The following ZFP28 variants were observed in gnomAD, a reference collection of about 807,000 sequenced individuals.
ZFP28 encodes ZFP28 zinc finger protein.
ZFP28 carries 31 observed loss-of-function variants against 39.5 expected under a neutral mutation model. The observed-to-expected ratio is 0.79, with a 90% CI of 0.59 to 1.06. The LOEUF is 1.06. ZFP28 is among the 50% of genes least tolerant of loss of function. The pLI is 0.00. For synonymous variants in ZFP28, 400 were observed against 378.6 expected (o/e 1.06, Z -0.66); for missense variants, 925 against 1,048.4 (o/e 0.88, Z 1.63).
chr19:56,543,319 TTA>T (rs1186177620), intron 2 of ZFP28, among the ~76,000 whole-genome samples: 1 of 147,786 alleles, frequency 6.8e-6, no homozygotes, highest in Non-Finnish European at 1.5e-5. Context: ...GTGCGTGTGT[TTA>T]TATATTATAT....
chr19:56,555,052 C>G lies in ZFP28; in HGVS notation c.2267C>G (p.Pro756Arg). Residue 756 changes from proline (P) to arginine (R), a missense_variant, in exon 8 of 8, where the codon CCT becomes CGT. By Grantham distance (103) the Pro-to-Arg change is moderately radical (BLOSUM62 -2). This residue lies in a region of ZFP28 where 369 missense variants were observed against 505.5 expected (regional missense o/e 0.73). Transcript: ENST00000301318. ...CHRRSHTGEK[P>R]YECSVCGKAF... ...CGCAGAAGTCATACTGGAGAAAAAC[C>G]TTATGAATGCAGTGTGTGTGGCAAA... The G allele has an allele frequency of 1.9e-6, 3 of 1,614,142 alleles. No homozygotes were observed. The highest frequency in any genetic ancestry group is 2.5e-6 in the Non-Finnish European group (3 of 1,180,034).
chr19:56,549,048 T>A lies in ZFP28; in HGVS notation c.614T>A (p.Leu205His). Residue 205 changes from leucine to histidine, a missense_variant, in exon 5 of 8, where the codon CTC becomes CAC. Leu to His is a moderately conservative substitution (Grantham distance 99). Transcript: ENST00000301318. ...TCCCAGGCAGTGATAACAGAGAGAC[T>A]CACAAGCTATAATCTGGAGTACTCT... ...KLSQAVITER[L>H]TSYNLEYSLL... 1.2e-6 allele frequency: 2 copies of A among 1,614,086 alleles called. No homozygotes were observed. Among genetic ancestry groups the A allele is most frequent in the Non-Finnish European group, 1.7e-6 (2 of 1,180,006 alleles).
intron 2 of ZFP28, chr19:56,545,579 A>C (rs2044234557): frequency 6.6e-6 from 1 of 152,192 alleles, no homozygotes; most frequent in Non-Finnish European, 1.5e-5. Flanking sequence ...GCAGAATGGC[A>C]AAAAGATTGT....
chr19:56,548,917 C>A lies in ZFP28; in HGVS notation c.524-41C>A, dbSNP rs760960500. 5.1e-6 allele frequency: 8 copies of A among 1,565,264 alleles called. No homozygotes were observed. The South Asian group carries it at 9.8e-5, about 19-fold the overall frequency. The stretch of plus-strand genomic sequence containing the variant: ...ATTTTGGAATTTTTCTTCATACTAA[C>A]ACATGATAAAAGATAAATTTACCTT... On this transcript the variant is annotated intron_variant, in intron 4 of 7. Transcript: ENST00000301318.
At chr19:56,553,577 T>C (rs1336825982) in intron 7 of ZFP28, 107 bp from the exon 8 acceptor site, 1 of 1,391,060 alleles carries the variant, frequency 7.2e-7, no homozygotes, top group Non-Finnish European at 9.7e-7. Context: ...AAAATGTATG[T>C]TGATGAATTC....
At chr19:56,551,241 T>C in intron 7 of ZFP28, 1 of 987,054 alleles carries the variant, frequency 1.0e-6, no homozygotes, top group South Asian at 4.7e-5. Context: ...AAAGGATCTT[T>C]TCCTCTTGAT....
chr19:56,538,276 C>G (rs1312039595), upstream of ZFP28: 1 of 152,400 alleles, frequency 6.6e-6, no homozygotes, highest in Non-Finnish European at 1.5e-5. Context: ...CCTCCGGACT[C>G]CGGAGGCCCC....
chr19:56,555,195 A>G lies in ZFP28; in HGVS notation c.2410A>G (p.Lys804Glu), dbSNP rs867153545. ...CCAAATTGGACACCTTAATCAACATAAGAGAGTTCATACTGGAGAGAGATC... is the reference window on the plus strand; with the variant it reads ...CCAAATTGGACACCTTAATCAACATGAGAGAGTTCATACTGGAGAGAGATC... Reference protein sequence around the residue: ...FIQIGHLNQHKRVHTGERSYN... With the variant: ...FIQIGHLNQHERVHTGERSYN... Residue 804 changes from lysine to glutamate, a missense_variant, in exon 8 of 8, where the codon AAG becomes GAG. This residue lies in a region of ZFP28 where 369 missense variants were observed against 505.5 expected (regional missense o/e 0.73). Coordinates refer to ENST00000301318, the MANE Select transcript of ZFP28 (RefSeq NM_020828.2). 8 of 1,614,082 alleles carry G rather than the reference A, an allele frequency of 5.0e-6. No individual in the cohort carries two copies. Among genetic ancestry groups the G allele is most frequent in the Non-Finnish European group, 6.8e-6 (8 of 1,180,030 alleles).
intron 2 of ZFP28, among the ~76,000 whole-genome samples, chr19:56,541,059 T>C (rs1042412389): frequency 3.3e-5 from 5 of 152,126 alleles, no homozygotes; most frequent in African/African-American, 9.7e-5. Context: ...CAGATTCACA[T>C]TGTGAGCCCA....
At position 56,539,287 on chromosome 19, in the gene ZFP28, C is replaced by T. The variant is rs537082740; in HGVS notation, c.208+61C>T. On this transcript the variant is annotated intron_variant, in intron 1 of 7. Transcript: ENST00000301318. Reference sequence around the variant, plus strand: ...GGACGAATTCATCTCGGGATGAGATCTGGGAGGGGGTTGGGCTCTCGGGGA... The same window carrying T: ...GGACGAATTCATCTCGGGATGAGATTTGGGAGGGGGTTGGGCTCTCGGGGA... The T allele has an allele frequency of 1.5e-5, 22 of 1,494,854 alleles. No individual in the cohort carries two copies. In the East Asian group the frequency reaches 2.5e-4, roughly 17 times the overall value. The allele number at this position is 1,494,854 out of a possible 1,614,324, so 92.6% of individuals were successfully genotyped here. A position where few individuals can be genotyped will look rare whatever the true frequency, so the allele number is the denominator to read the frequency against.
chr19:56,539,885 C>T (rs1016042089), intron 2 of ZFP28, among the ~76,000 whole-genome samples, 169 bp downstream of exon 2: 2 of 152,168 alleles, frequency 1.3e-5, no homozygotes, highest in South Asian at 2.1e-4. Context: ...TTAAACTGCC[C>T]GGGGCCTCGA....
At chr19:56,551,801 GTC>G (rs2044306721) in intron 7 of ZFP28, 1 of 983,872 alleles carries the variant, frequency 1.0e-6, no homozygotes, top group African/African-American at 1.8e-5. Flanking sequence ...CTTGTAAAAT[GTC>G]TGTCATTTGT....
Position 56,539,098 on chromosome 19 carries a change from C to T in ZFP28, c.80C>T (p.Ala27Val), listed in dbSNP as rs1038560030. The T allele has an allele frequency of 6.5e-7, 1 of 1,546,340 alleles. No homozygotes were observed. Residue 27 changes from alanine to valine, a missense_variant, in exon 1 of 8, where the codon GCG (alanine) becomes GTG (valine). This residue lies in a region of ZFP28 where 556 missense variants were observed against 542.9 expected (regional missense o/e 1.02). Transcript: ENST00000301318. ...GRGAPRTKPRAGRGPTVGTPA... is the reference protein window; with the variant it reads ...GRGAPRTKPRVGRGPTVGTPA... ...GGCGCCCCCCGCACAAAGCCCCGGG[C>T]GGGCCGAGGCCCGACTGTAGGGACT...
chr19:56,549,834 G>A (rs1298247548), intron 5 of ZFP28, among the ~76,000 whole-genome samples: 2 of 152,228 alleles, frequency 1.3e-5, no homozygotes, highest in African/African-American at 4.8e-5. Context: ...CATACTGTGT[G>A]TAAGTATGAC....
At chr19:56,543,549 C>T (rs574772831) in intron 2 of ZFP28, among the ~76,000 whole-genome samples, 1 of 151,834 alleles carries the variant, frequency 6.6e-6, no homozygotes, top group East Asian at 1.9e-4. Context: ...GGCCTATAGG[C>T]GTGTGCCACC....
intron 7 of ZFP28, chr19:56,551,650 G>A (rs2044304690): frequency 2.0e-6 from 2 of 985,296 alleles, no homozygotes; most frequent in Non-Finnish European, 1.2e-6. Context: ...AGATGTATGA[G>A]TTTAATTGCA....
rs779783840 is a variant in ZFP28 at position 56,550,492 on chromosome 19, C to A, written c.803-18C>A. On this transcript the variant is annotated intron_variant, in intron 6 of 7. Coordinates refer to ENST00000301318, the MANE Select transcript of ZFP28 (RefSeq NM_020828.2). ...GCCAAGACTATTGGCCAAACCTCAT[C>A]TCTTTTCACTTTTTCAGGACATTGT... The A allele has an allele frequency of 1.2e-6, 2 of 1,609,626 alleles. No individual in the cohort carries two copies. The highest frequency in any genetic ancestry group is 1.7e-6 in the Non-Finnish European group (2 of 1,177,102).
rs1023012191 is a variant in ZFP28 at position 56,550,338 on chromosome 19, A to C, written c.802+157A>C. The C allele has an allele frequency of 1.9e-5, 17 of 906,586 alleles. No homozygotes were observed. In the Admixed American group the frequency reaches 4.1e-4, roughly 22 times the overall value. 56.2% of individuals were successfully genotyped at this position (906,586 alleles called of 1,614,324 possible). ...AAGAATTTGGCATTTGTAGAGGTGAAAGTTGGTGTCTTTGTTAGGCTTGAA... is the reference window on the plus strand; with the variant it reads ...AAGAATTTGGCATTTGTAGAGGTGACAGTTGGTGTCTTTGTTAGGCTTGAA... On this transcript the variant is annotated intron_variant, in intron 6 of 7. Coordinates refer to ENST00000301318, the MANE Select transcript of ZFP28 (RefSeq NM_020828.2).
intron 2 of ZFP28, among the ~76,000 whole-genome samples, chr19:56,543,699 GT>G (rs1370962736): frequency 3.3e-5 from 5 of 152,158 alleles, no homozygotes; most frequent in African/African-American, 1.2e-4. Context: ...GCATATTTAT[GT>G]TGCAGCAACA....
Sources: gnomAD v4.1 joint callset for allele counts (sites outside exome capture counted in the v4.1 genomes callset) on GRCh38, gnomAD v4.1.1 for gene constraint, gnomAD v4.1.1 regional missense constraint, MANE v1.5 for transcripts, NCBI Gene and HGNC (gene_info 2026-07-23, HGNC 2026-07-21) for gene names.